The following CLDN14 variants were observed in gnomAD, a reference collection of about 807,000 sequenced individuals.
CLDN14 encodes the protein claudin-14.
A neutral mutation model predicts 2.1 loss-of-function variants in CLDN14; 2 were observed. That is an observed-to-expected ratio of 0.96 (90% CI 0.39 to 3.01). The LOEUF (loss-of-function observed/expected upper bound fraction) is 3.01, where lower values mean the gene tolerates loss of function less well. Ranked by LOEUF, CLDN14 falls within the 30% of genes most tolerant of loss-of-function variation. The pLI, the probability that CLDN14 is intolerant of heterozygous loss-of-function variation, is 0.09. For synonymous variants in CLDN14, 136 were observed against 154.4 expected, an observed-to-expected ratio of 0.88 and a Z score of 0.88; for missense variants, 298 against 328.0, an observed-to-expected ratio of 0.91 and a Z score of 0.71.
chr21:36,473,597 C>T (rs2146436595), intron 1 of CLDN14, among the ~76,000 whole-genome samples: 1 of 152,320 alleles, frequency 6.6e-6, no homozygotes, highest in Middle Eastern at 3.4e-3. Flanking sequence ...CTGGGGATAA[C>T]CATGGTTGCA....
rs1177767844 is a variant in CLDN14, at chr21:36,498,800, T to C, written c.-82+11563A>G. Reference sequence around the variant, plus strand: ...CTGGGCCCCACTGGCTGCGTCTGCCTGGACACCATCAGCCCTGCACGAAGG... The same window carrying C: ...CTGGGCCCCACTGGCTGCGTCTGCCCGGACACCATCAGCCCTGCACGAAGG... On this transcript the variant is annotated intron_variant, in intron 2 of 2. Coordinates refer to the CLDN14 transcript ENST00000342108. This position sits in a 1 kb window ranked among gnomAD's most constrained non-coding sequence, Gnocchi z 4.9. 6.6e-6 allele frequency among the ~76,000 whole-genome samples: 1 copy of C among 152,190 alleles called. No individual in the cohort carries two copies. The highest frequency in any genetic ancestry group is 1.5e-5 in the Non-Finnish European group (1 of 68,046).
In CLDN14 at chr21:36,527,334, T is replaced by TA. The variant is rs527542272; in HGVS notation, c.-219-16835dup. Among the ~76,000 whole-genome samples the TA allele has an allele frequency of 5.2e-3, 795 of 152,296 alleles. 4 individuals are homozygous for TA. Among genetic ancestry groups the TA allele is most frequent in the Non-Finnish European group, 9.2e-3 (627 of 68,024 alleles). ...AGTGACTGATGGCTATTTTAAAAAA[T>TA]ACTTAGCTTAGCGCTACCCTCCATG... On this transcript the variant is annotated intron_variant, in intron 1 of 2. Transcript: ENST00000342108.
intron 1 of CLDN14, among the ~76,000 whole-genome samples, chr21:36,520,669 T>A (rs925229288): frequency 1.2e-4 from 18 of 152,142 alleles, no homozygotes; most frequent in African/African-American, 4.3e-4. Flanking sequence ...ATCAGCAGCG[T>A]GAAAATGGAC....
At chr21:36,472,464 T>C (rs1192710146) in intron 1 of CLDN14, among the ~76,000 whole-genome samples, 1 of 152,220 alleles carries the variant, frequency 6.6e-6, no homozygotes, top group Non-Finnish European at 1.5e-5. Context: ...GGCTGGGCCA[T>C]GGGGTGCCCA....
At chr21:36,476,981 TAC>T (rs2086787360) in intron 1 of CLDN14, among the ~76,000 whole-genome samples, 1 of 152,252 alleles carries the variant, frequency 6.6e-6, no homozygotes, top group African/African-American at 2.4e-5. Flanking sequence ...CCTTTAGACA[TAC>T]ACACAGTGGC....
At chr21:36,473,268 T>C (rs939430023) in intron 1 of CLDN14, among the ~76,000 whole-genome samples, 5 of 152,176 alleles carry the variant, frequency 3.3e-5, no homozygotes, top group African/African-American at 1.2e-4. Context: ...AAATGTTTTA[T>C]AGAGATGGAG....
chr21:36,507,193 C>T (rs1039103125), intron 2 of CLDN14, among the ~76,000 whole-genome samples: 3 of 151,844 alleles, frequency 2.0e-5, no homozygotes, highest in Non-Finnish European at 2.9e-5. Context: ...CTGACACAAG[C>T]GGCTGCACAA....
In CLDN14 at chr21:36,524,093, G is replaced by C. The variant is rs2087302481; in HGVS notation, c.-219-13593C>G. Among the ~76,000 whole-genome samples, 3 of 150,214 alleles carry C rather than the reference G, an allele frequency of 2.0e-5. No homozygotes were observed. The Admixed American group carries it at 2.0e-4, about 10-fold the overall frequency. On this transcript the variant is annotated intron_variant, in intron 1 of 2. Coordinates refer to the CLDN14 transcript ENST00000342108. ...ATACCCATCAGCAGTGTGAGCTGCA[G>C]GGAAAATGCATCTGGCTAAGATTTT...
At chr21:36,508,163 T>C (rs1169913569) in intron 2 of CLDN14, among the ~76,000 whole-genome samples, 1 of 152,190 alleles carries the variant, frequency 6.6e-6, no homozygotes, top group East Asian at 1.9e-4. Flanking sequence ...CAAAATGCAC[T>C]GTTTATTCCA....
chr21:36,491,505 T>C (rs974186384), intron 2 of CLDN14, among the ~76,000 whole-genome samples: 9 of 152,248 alleles, frequency 5.9e-5, no homozygotes, highest in African/African-American at 1.9e-4. Flanking sequence ...TTTTTGGGTC[T>C]TTTCATGTTG....
At position 36,500,433 on chromosome 21, in the gene CLDN14, A is replaced by T. The variant is rs541496091; in HGVS notation, c.-82+9930T>A. Among the ~76,000 whole-genome samples, 55 of 152,186 alleles carry T rather than the reference A, an allele frequency of 3.6e-4. 1 individual carries two copies. Among genetic ancestry groups the T allele is most frequent in the South Asian group, 1.7e-3 (8 of 4,816 alleles). On this transcript the variant is annotated intron_variant, in intron 2 of 2. Coordinates refer to the CLDN14 transcript ENST00000342108. The stretch of plus-strand genomic sequence containing the variant: ...GAGATACATTCCATTCATTTTTTTA[A>T]AATTTTATTTTAAATTTAGACAGAG...
At chr21:36,546,534 T>A (rs1439340924) in intron 1 of CLDN14, among the ~76,000 whole-genome samples, 2 of 152,230 alleles carry the variant, frequency 1.3e-5, no homozygotes, top group Non-Finnish European at 2.9e-5. Context: ...CAGGTAATTT[T>A]TGTTTATTTT....
chr21:36,502,300 G>T (rs1275968712), intron 2 of CLDN14, among the ~76,000 whole-genome samples: 1 of 152,186 alleles, frequency 6.6e-6, no homozygotes, highest in African/African-American at 2.4e-5. Flanking sequence ...CCTTTCTTCT[G>T]CAGGCTGGCT....
chr21:36,540,657 A>C (rs1462317430), intron 1 of CLDN14, among the ~76,000 whole-genome samples: 2 of 145,978 alleles, frequency 1.4e-5, no homozygotes, highest in Admixed American at 6.7e-5. Flanking sequence ...GAGGGGAGGG[A>C]GGGACTGGGG....
chr21:36,468,556 C>G (rs1226044900), intron 1 of CLDN14, among the ~76,000 whole-genome samples: 1 of 152,042 alleles, frequency 6.6e-6, no homozygotes, highest in Non-Finnish European at 1.5e-5. Flanking sequence ...GAGTGAGACT[C>G]TGTCTCAAAC....
At chr21:36,483,277 C>T (rs77868469), upstream of CLDN14, among the ~76,000 whole-genome samples, 10,144 of 66,760 alleles carry the variant, frequency 0.15, 434 homozygotes, top group African/African-American at 0.25. Flanking sequence ...TCTCTCTCTG[C>T]GCCGCTGGGT....
chr21:36,571,829 G>T (rs2146530121), intron 1 of CLDN14, among the ~76,000 whole-genome samples: 1 of 152,258 alleles, frequency 6.6e-6, no homozygotes, highest in East Asian at 1.9e-4. Flanking sequence ...GTCACCAGGG[G>T]TTATAAAGTA....
intron 1 of CLDN14, among the ~76,000 whole-genome samples, chr21:36,471,714 C>T (rs2146433230): frequency 6.6e-6 from 1 of 152,324 alleles, no homozygotes; most frequent in South Asian, 2.1e-4. Context: ...AAACCCCAAA[C>T]AAGCAATAGG....
chr21:36,503,335 T>C (rs1272684685), intron 2 of CLDN14, among the ~76,000 whole-genome samples: 1 of 152,248 alleles, frequency 6.6e-6, no homozygotes, highest in East Asian at 1.9e-4. Context: ...ATTACAGGCA[T>C]GAGCCACTAT....
Sources: gnomAD v4.1 joint callset for allele counts (sites outside exome capture counted in the v4.1 genomes callset) on GRCh38, gnomAD v4.1.1 for gene constraint, Gnocchi (gnomAD v3.1) non-coding constraint, MANE v1.5 for transcripts, NCBI Gene and HGNC (gene_info 2026-07-23, HGNC 2026-07-21) for gene names.